PDHA2: variants seen among roughly 807,000 people sequenced by gnomAD.
The protein encoded by PDHA2 is pyruvate dehydrogenase E1 component subunit alpha, testis-specific form, mitochondrial.
For missense variants in PDHA2, 533 were observed against 495.8 expected, an observed-to-expected ratio of 1.07 and a Z score of -0.71; for synonymous variants, 188 against 185.9, an observed-to-expected ratio of 1.01 and a Z score of -0.09.
chr4:95,840,671 G>C lies in PDHA2; in HGVS notation c.521G>C (p.Gly174Ala). The C allele has an allele frequency of 6.2e-7, 1 of 1,614,208 alleles. No homozygotes were observed. Among genetic ancestry groups the C allele is most frequent in the Non-Finnish European group, 8.5e-7 (1 of 1,180,040 alleles). Reference sequence around the variant, plus strand: ...GGTGCACAGGGCCCCCTGGGCGCTGGCATTGCTCTGGCCTGTAAATATAAA... The same window carrying C: ...GGTGCACAGGGCCCCCTGGGCGCTGCCATTGCTCTGGCCTGTAAATATAAA... ...IVGAQGPLGA[G>A]IALACKYKGN... Residue 174 changes from glycine (G) to alanine (A), a missense_variant, in exon 1 of 1, where the codon GGC (glycine) becomes GCC (alanine). Coordinates refer to ENST00000295266, the MANE Select transcript of PDHA2 (RefSeq NM_005390.5).
At position 95,841,131 on chromosome 4, in the gene PDHA2, C is replaced by A; in HGVS notation, c.981C>A (p.Leu327=). The A allele has an allele frequency of 1.9e-6, 3 of 1,614,112 alleles. No homozygotes were observed. The highest frequency in any genetic ancestry group is 2.5e-6 in the Non-Finnish European group (3 of 1,180,000). Residue 327 remains leucine (L), a synonymous_variant, in exon 1 of 1, where the codon CTC becomes CTA. Coordinates refer to ENST00000295266, the MANE Select transcript of PDHA2 (RefSeq NM_005390.5). ...AAGATAGAATGGTAAACAGCAAGCT[C>A]GCCACTGTGGAAGAATTAAAGGAAA... ...ILQDRMVNSK[L]ATVEELKEIG...
In PDHA2 at chr4:95,840,629, G is replaced by A; in HGVS notation, c.479G>A (p.Gly160Glu). The A allele has an allele frequency of 4.3e-6, 7 of 1,614,200 alleles. No homozygotes were observed. The highest frequency in any genetic ancestry group is 5.1e-6 in the Non-Finnish European group (6 of 1,180,018). The change falls in exon 1 of 1, where the codon GGG (glycine) becomes GAG (glutamate). Residue 160 changes from glycine (G) to glutamate (E), a missense_variant. Gly to Glu is a moderately conservative substitution (Grantham distance 98). Transcript: ENST00000295266. The part of the protein sequence containing the change: ...SMHMYTKNFY[G>E]GNGIVGAQGP... Reference sequence around the variant, plus strand: ...CATATGTATACCAAGAACTTCTATGGGGGCAATGGCATCGTCGGTGCACAG... The same window carrying A: ...CATATGTATACCAAGAACTTCTATGAGGGCAATGGCATCGTCGGTGCACAG...
At position 95,840,110 on chromosome 4, in the gene PDHA2, T is replaced by C. The variant is rs556698291; in HGVS notation, c.-41T>C. ...CCGAGGCCAGGCCTTCCGGCGGTCGTTACGGGACGCCGCTGCCATCTACAG... is the reference window on the plus strand; with the variant it reads ...CCGAGGCCAGGCCTTCCGGCGGTCGCTACGGGACGCCGCTGCCATCTACAG... On this transcript the variant is annotated 5_prime_UTR_variant, in exon 1 of 1. Coordinates refer to ENST00000295266, the MANE Select transcript of PDHA2 (RefSeq NM_005390.5). 6 of 1,534,308 alleles carry C rather than the reference T, an allele frequency of 3.9e-6. No homozygotes were observed. Among genetic ancestry groups the C allele is most frequent in the East Asian group, 2.3e-5 (1 of 43,984 alleles).
chr4:95,841,296 C>G lies in PDHA2; in HGVS notation c.1146C>G (p.Ile382Met). 6.2e-7 allele frequency: 1 copy of G among 1,613,816 alleles called. No homozygotes were observed. The highest frequency in any genetic ancestry group is 2.2e-5 in the East Asian group (1 of 44,866). ...AAGTTCGTGGTGCAAATCCATGGAT[C>G]AAGTTTAAGTCCGTCAGTTAAAGGG... ...SFEVRGANPWIKFKSVS is the reference protein window; with the variant it reads ...SFEVRGANPWMKFKSVS The change falls in exon 1 of 1, where the codon ATC (isoleucine) becomes ATG (methionine). Residue 382 changes from isoleucine (I) to methionine (M), a missense_variant. Ile to Met is a conservative substitution (Grantham distance 10). Coordinates refer to ENST00000295266, the MANE Select transcript of PDHA2 (RefSeq NM_005390.5).
rs1355369591 is a variant in PDHA2, at chr4:95,841,027, A to G, written c.877A>G (p.Ser293Gly). The G allele has an allele frequency of 5.0e-6, 8 of 1,614,020 alleles. No homozygotes were observed. The South Asian group carries it at 8.8e-5, about 18-fold the overall frequency. The change falls in exon 1 of 1, where the codon AGT becomes GGT. Residue 293 changes from serine to glycine, a missense_variant. Transcript: ENST00000295266. ...CTACCGTTATCATGGACACAGTATG[A>G]GTGATCCTGGAGTCAGTTATCGTAC... ...QTYRYHGHSM[S>G]DPGVSYRTRE...
chr4:95,841,343 T>A lies in PDHA2; in HGVS notation c.*26T>A, dbSNP rs1200480736. On this transcript the variant is annotated 3_prime_UTR_variant, in exon 1 of 1. Coordinates refer to ENST00000295266, the MANE Select transcript of PDHA2 (RefSeq NM_005390.5). ...AGGGAGGCTACGTGTGAATTTATCA[T>A]CAGTCTCTCAATGGAATGTTCATGG... 3.9e-6 allele frequency: 6 copies of A among 1,557,842 alleles called. No individual in the cohort carries two copies. Among genetic ancestry groups the A allele is most frequent in the Non-Finnish European group, 5.3e-6 (6 of 1,129,316 alleles).
Position 95,840,558 on chromosome 4 carries a change from G to A in PDHA2, c.408G>A (p.Leu136=), listed in dbSNP as rs755229100. Reference sequence around the variant, plus strand: ...CTGTCCGATCCATTCTCGCAGAGCTGACGGGAAGAAGAGGAGGTTGTGCTA... The same window carrying A: ...CTGTCCGATCCATTCTCGCAGAGCTAACGGGAAGAAGAGGAGGTTGTGCTA... ...GLSVRSILAE[L]TGRRGGCAKG... is the part of the protein sequence containing the mutation. Residue 136 remains leucine, a synonymous_variant, in exon 1 of 1, where the codon CTG becomes CTA. Transcript: ENST00000295266. 1.2e-6 allele frequency: 2 copies of A among 1,614,176 alleles called. No homozygotes were observed. The highest frequency in any genetic ancestry group is 1.3e-5 in the African/African-American group (1 of 75,040).
Position 95,841,168 on chromosome 4 carries a change from G to A in PDHA2, c.1018G>A (p.Val340Met). The part of the protein sequence containing the change: ...VEELKEIGAE[V>M]RKEIDDAAQF... ...AGAATTAAAGGAAATTGGGGCTGAGGTGAGGAAAGAAATTGATGATGCTGC... is the reference window on the plus strand; with the variant it reads ...AGAATTAAAGGAAATTGGGGCTGAGATGAGGAAAGAAATTGATGATGCTGC... The change falls in exon 1 of 1, where the codon GTG (valine) becomes ATG (methionine). Residue 340 changes from valine to methionine, a missense_variant. Physicochemically the swap from Val to Met is conservative, Grantham distance 21 (BLOSUM62 1). Coordinates refer to ENST00000295266, the MANE Select transcript of PDHA2 (RefSeq NM_005390.5). 2 of 1,614,120 alleles carry A rather than the reference G, an allele frequency of 1.2e-6. No individual in the cohort carries two copies. The highest frequency in any genetic ancestry group is 1.7e-6 in the Non-Finnish European group (2 of 1,179,980).
chr4:95,840,719 C>T lies in PDHA2; in HGVS notation c.569C>T (p.Thr190Ile). 6.2e-7 allele frequency: 1 copy of T among 1,614,172 alleles called. No homozygotes were observed. The highest frequency in any genetic ancestry group is 1.3e-5 in the African/African-American group (1 of 75,062). Residue 190 changes from threonine to isoleucine, a missense_variant, in exon 1 of 1, where the codon ACT becomes ATT. By Grantham distance (89) the Thr-to-Ile change is moderately conservative. Transcript: ENST00000295266. ...AAAGGAAACGATGAGATCTGTTTGA[C>T]TTTATATGGGGATGGCGCTGCGAAT... Reference protein sequence around the residue: ...KYKGNDEICLTLYGDGAANQG... With the variant: ...KYKGNDEICLILYGDGAANQG...
rs1047266996 is a variant in PDHA2 at position 95,840,325 on chromosome 4, G to C, written c.175G>C (p.Gly59Arg). The change falls in exon 1 of 1, where the codon GGG becomes CGG. Residue 59 changes from glycine (G) to arginine (R), a missense_variant. Physicochemically the swap from Gly to Arg is moderately radical, Grantham distance 125. Transcript: ENST00000295266. ...CACTACAGTGCTCACTAGGGCGGAG[G>C]GGCTTAAATACTACAGGATGATGCT... is the stretch of plus-strand genomic sequence containing the variant. ...PVTTVLTRAEGLKYYRMMLTV... is the reference protein window; with the variant it reads ...PVTTVLTRAERLKYYRMMLTV... The C allele has an allele frequency of 1.9e-6, 3 of 1,614,080 alleles. No individual in the cohort carries two copies. The African/African-American group carries it at 4.0e-5, about 22-fold the overall frequency.
chr4:95,840,668 C>T lies in PDHA2; in HGVS notation c.518C>T (p.Ala173Val). 6.2e-7 allele frequency: 1 copy of T among 1,614,216 alleles called. No homozygotes were observed. The highest frequency in any genetic ancestry group is 1.7e-5 in the Admixed American group (1 of 60,024). ...GIVGAQGPLGAGIALACKYKG... is the reference protein window; with the variant it reads ...GIVGAQGPLGVGIALACKYKG... ...GTCGGTGCACAGGGCCCCCTGGGCG[C>T]TGGCATTGCTCTGGCCTGTAAATAT... Residue 173 changes from alanine (A) to valine (V), a missense_variant, in exon 1 of 1, where the codon GCT (alanine) becomes GTT (valine). Coordinates refer to ENST00000295266, the MANE Select transcript of PDHA2 (RefSeq NM_005390.5).
Position 95,840,265 on chromosome 4 carries a change from T to G in PDHA2, c.115T>G (p.Cys39Gly), listed in dbSNP as rs758919634. 6.2e-7 allele frequency: 1 copy of G among 1,614,214 alleles called. No individual in the cohort carries two copies. Among genetic ancestry groups the G allele is most frequent in the Admixed American group, 1.7e-5 (1 of 60,028 alleles). The change falls in exon 1 of 1, where the codon TGT (cysteine) becomes GGT (glycine). Residue 39 changes from cysteine (C) to glycine (G), a missense_variant. Transcript: ENST00000295266. Reference protein sequence around the residue: ...SNDATFEIKKCDLYLLEEGPP... With the variant: ...SNDATFEIKKGDLYLLEEGPP... ...TGACGCTACATTTGAAATTAAGAAA[T>G]GTGATCTTTATCTGTTGGAAGAGGG...
Position 95,840,617 on chromosome 4 carries a change from A to G in PDHA2, c.467A>G (p.Lys156Arg). The G allele has an allele frequency of 6.2e-7, 1 of 1,614,204 alleles. No homozygotes were observed. Among genetic ancestry groups the G allele is most frequent in the Non-Finnish European group, 8.5e-7 (1 of 1,180,034 alleles). The change falls in exon 1 of 1, where the codon AAG becomes AGG. Residue 156 changes from lysine (K) to arginine (R), a missense_variant. By Grantham distance (26) the Lys-to-Arg change is conservative. Coordinates refer to ENST00000295266, the MANE Select transcript of PDHA2 (RefSeq NM_005390.5). ...GGAGGATCGATGCATATGTATACCA[A>G]GAACTTCTATGGGGGCAATGGCATC... ...GKGGSMHMYT[K>R]NFYGGNGIVG...
Position 95,840,492 on chromosome 4 carries a change from A to C in PDHA2, c.342A>C (p.Thr114=), listed in dbSNP as rs773091670. The C allele has an allele frequency of 1.1e-5, 17 of 1,614,048 alleles. No homozygotes were observed. Among genetic ancestry groups the C allele is most frequent in the Admixed American group, 5.0e-5 (3 of 60,000 alleles). The change falls in exon 1 of 1, where the codon ACA becomes ACC. Residue 114 remains threonine (T), a synonymous_variant. Coordinates refer to ENST00000295266, the MANE Select transcript of PDHA2 (RefSeq NM_005390.5). ...AGINPSDHVI[T]SYRAHGVCYT... The stretch of plus-strand genomic sequence containing the variant: ...TAAACCCCTCGGATCACGTCATTAC[A>C]TCCTATAGGGCTCATGGTGTGTGCT...
chr4:95,841,194 C>G lies in PDHA2; in HGVS notation c.1044C>G (p.Ala348=). ...AEVRKEIDDA[A]QFATTDPEPH... ...TGAGGAAAGAAATTGATGATGCTGC[C>G]CAGTTTGCTACCACTGATCCTGAGC... is the stretch of plus-strand genomic sequence containing the variant. The change falls in exon 1 of 1, where the codon GCC becomes GCG. Residue 348 remains alanine, a synonymous_variant. Transcript: ENST00000295266. 11 of 1,614,100 alleles carry G rather than the reference C, an allele frequency of 6.8e-6. No individual in the cohort carries two copies. Among genetic ancestry groups the G allele is most frequent in the Non-Finnish European group, 9.3e-6 (11 of 1,180,010 alleles).
chr4:95,841,121 A>G lies in PDHA2; in HGVS notation c.971A>G (p.Asn324Ser). ...PIIILQDRMV[N>S]SKLATVEELK... ...ATAATTCTCCAAGATAGAATGGTAA[A>G]CAGCAAGCTCGCCACTGTGGAAGAA... Residue 324 changes from asparagine to serine, a missense_variant, in exon 1 of 1, where the codon AAC (asparagine) becomes AGC (serine). Coordinates refer to ENST00000295266, the MANE Select transcript of PDHA2 (RefSeq NM_005390.5). 6.2e-7 allele frequency: 1 copy of G among 1,614,180 alleles called. No homozygotes were observed. The highest frequency in any genetic ancestry group is 1.7e-5 in the Admixed American group (1 of 60,028).
At position 95,840,622 on chromosome 4, in the gene PDHA2, T is replaced by G. The variant is rs1301448112; in HGVS notation, c.472T>G (p.Phe158Val). 1 of 1,614,002 alleles carries G rather than the reference T, an allele frequency of 6.2e-7. No homozygotes were observed. Among genetic ancestry groups the G allele is most frequent in the African/African-American group, 1.3e-5 (1 of 74,910 alleles). ...GGSMHMYTKN[F>V]YGGNGIVGAQ... ...ATCGATGCATATGTATACCAAGAAC[T>G]TCTATGGGGGCAATGGCATCGTCGG... The change falls in exon 1 of 1, where the codon TTC (phenylalanine) becomes GTC (valine). Residue 158 changes from phenylalanine (F) to valine (V), a missense_variant. Coordinates refer to ENST00000295266, the MANE Select transcript of PDHA2 (RefSeq NM_005390.5).
rs1366024845 is a variant in PDHA2 at position 95,841,191 on chromosome 4, T to C, written c.1041T>C (p.Ala347=). The part of the protein sequence containing the change: ...GAEVRKEIDD[A]AQFATTDPEP... ...AGGTGAGGAAAGAAATTGATGATGC[T>C]GCCCAGTTTGCTACCACTGATCCTG... Residue 347 remains alanine (A), a synonymous_variant, in exon 1 of 1, where the codon GCT becomes GCC. Coordinates refer to ENST00000295266, the MANE Select transcript of PDHA2 (RefSeq NM_005390.5). The C allele has an allele frequency of 6.2e-7, 1 of 1,614,180 alleles. No homozygotes were observed. Among genetic ancestry groups the C allele is most frequent in the Admixed American group, 1.7e-5 (1 of 60,032 alleles).
chr4:95,841,020 C>T lies in PDHA2; in HGVS notation c.870C>T (p.His290=), dbSNP rs1454973674. 6.2e-7 allele frequency: 1 copy of T among 1,613,976 alleles called. No individual in the cohort carries two copies. Among genetic ancestry groups the T allele is most frequent in the African/African-American group, 1.3e-5 (1 of 74,920 alleles). The change falls in exon 1 of 1, where the codon CAC becomes CAT. Residue 290 remains histidine (H), a synonymous_variant. Transcript: ENST00000295266. The part of the protein sequence containing the change: ...MELQTYRYHG[H]SMSDPGVSYR... ...TGCAAACCTACCGTTATCATGGACA[C>T]AGTATGAGTGATCCTGGAGTCAGTT...
Sources: gnomAD v4.1 joint callset for allele counts on GRCh38, gnomAD v4.1.1 for gene constraint, MANE v1.5 for transcripts, NCBI Gene and HGNC (gene_info 2026-07-23, HGNC 2026-07-21) for gene names.